KRTAP4-1: variants seen among roughly 807,000 people sequenced by gnomAD.
KRTAP4-1 encodes the protein keratin-associated protein 4-1.
For synonymous variants in KRTAP4-1, 52 were observed against 58.3 expected, an observed-to-expected ratio of 0.89 and a Z score of 0.50; for missense variants, 155 against 181.3, an observed-to-expected ratio of 0.85 and a Z score of 0.83.
In KRTAP4-1 at chr17:41,184,118, T is replaced by C; in HGVS notation, c.*296A>G. 2 of 366,458 alleles carry C rather than the reference T, an allele frequency of 5.5e-6. No homozygotes were observed. The highest frequency in any genetic ancestry group is 9.7e-6 in the Non-Finnish European group (2 of 205,998). 22.7% of individuals were successfully genotyped at this position (366,458 alleles called of 1,614,324 possible). A position where few individuals can be genotyped will look rare whatever the true frequency, so the allele number is the denominator to read the frequency against. On this transcript the variant is annotated 3_prime_UTR_variant, in exon 1 of 1. Coordinates refer to ENST00000398472, the MANE Select transcript of KRTAP4-1 (RefSeq NM_001386841.1). ...AAAAGAATTACTGATATTAAGATAA[T>C]ATTTATTGAAGAACAGTTAATATGT... is the stretch of plus-strand genomic sequence containing the variant.
rs1325489215 is a variant in KRTAP4-1, at chr17:41,184,389, C to T, written c.*25G>A. Reference sequence around the variant, plus strand: ...TCATATCATGGGATGGTGACTGGCTCATGGTTGATAGTCCAATATGAGGTT... The same window carrying T: ...TCATATCATGGGATGGTGACTGGCTTATGGTTGATAGTCCAATATGAGGTT... On this transcript the variant is annotated 3_prime_UTR_variant, in exon 1 of 1. Coordinates refer to ENST00000398472, the MANE Select transcript of KRTAP4-1 (RefSeq NM_001386841.1). The T allele has an allele frequency of 1.3e-6, 2 of 1,563,836 alleles. No individual in the cohort carries two copies. The highest frequency in any genetic ancestry group is 1.7e-6 in the Non-Finnish European group (2 of 1,150,682).
At position 41,184,759 on chromosome 17, in the gene KRTAP4-1, G is replaced by C. The variant is rs1007409; in HGVS notation, c.96C>G (p.Thr32=). 1.2e-3 allele frequency: 1,945 copies of C among 1,614,166 alleles called. 26 individuals carry two copies. In the African/African-American group the frequency reaches 0.023, roughly 19 times the overall value. ...ETCCRPSCCQ[T]TCCCPSCVVS... is the part of the protein sequence containing the mutation. ...CAACACAGCTGGGGCAGCAACAGGT[G>C]GTCTGGCAGCAGCTGGGGCGGCAGC... is the stretch of plus-strand genomic sequence containing the variant. The change falls in exon 1 of 1, where the codon ACC becomes ACG. Residue 32 remains threonine (T), a synonymous_variant. Transcript: ENST00000398472.
rs763198267 is a variant in KRTAP4-1, at chr17:41,184,663, G to A, written c.192C>T (p.Cys64=). 3.1e-6 allele frequency: 5 copies of A among 1,611,718 alleles called. No individual in the cohort carries two copies. Among genetic ancestry groups the A allele is most frequent in the South Asian group, 2.2e-5 (2 of 90,956 alleles). Residue 64 remains cysteine, a synonymous_variant, in exon 1 of 1, where the codon TGC becomes TGT. Transcript: ENST00000398472. ...CCQTTCCRPS[C]CHPVCCQTTC... ...TGGTCTGACAACAGACTGGGTGGCA[G>A]CAGCTGGGGCGACAGCAAGTGGTCT...
At position 41,184,101 on chromosome 17, in the gene KRTAP4-1, T is replaced by G. The variant is rs2015242266; in HGVS notation, c.*313A>C. 9.5e-6 allele frequency: 3 copies of G among 316,936 alleles called. No homozygotes were observed. Among genetic ancestry groups the G allele is most frequent in the Non-Finnish European group, 1.7e-5 (3 of 175,288 alleles). The allele number at this position is 316,936 out of a possible 1,614,324, so 19.6% of individuals were successfully genotyped here. A position where few individuals can be genotyped will look rare whatever the true frequency, so the allele number is the denominator to read the frequency against. On this transcript the variant is annotated 3_prime_UTR_variant, in exon 1 of 1. Transcript: ENST00000398472. Reference sequence around the variant, plus strand: ...AAAAATTGAAAAAAGAGAAAAGAATTACTGATATTAAGATAATATTTATTG... The same window carrying G: ...AAAAATTGAAAAAAGAGAAAAGAATGACTGATATTAAGATAATATTTATTG...
In KRTAP4-1 at chr17:41,184,318, G is replaced by T; in HGVS notation, c.*96C>A. On this transcript the variant is annotated 3_prime_UTR_variant, in exon 1 of 1. Transcript: ENST00000398472. ...CTTAGTGGAATAACAGGATAATAAA[G>T]CTGATGGCCATTTAACACATGGACA... is the stretch of plus-strand genomic sequence containing the variant. 6.6e-7 allele frequency: 1 copy of T among 1,512,888 alleles called. No homozygotes were observed. Among genetic ancestry groups the T allele is most frequent in the East Asian group, 2.3e-5 (1 of 43,860 alleles). 93.7% of individuals were successfully genotyped at this position (1,512,888 alleles called of 1,614,324 possible).
In KRTAP4-1 at chr17:41,184,746, G is replaced by A. The variant is rs1482304599; in HGVS notation, c.109C>T (p.Pro37Ser). ...PSCCQTTCCC[P>S]SCVVSSCCRP... Reference sequence around the variant, plus strand: ...CAGCAGCTGGATACAACACAGCTGGGGCAGCAACAGGTGGTCTGGCAGCAG... The same window carrying A: ...CAGCAGCTGGATACAACACAGCTGGAGCAGCAACAGGTGGTCTGGCAGCAG... Residue 37 changes from proline to serine, a missense_variant, in exon 1 of 1, where the codon CCC becomes TCC. Transcript: ENST00000398472. 4 of 1,613,448 alleles carry A rather than the reference G, an allele frequency of 2.5e-6. No homozygotes were observed. Among genetic ancestry groups the A allele is most frequent in the Non-Finnish European group, 3.4e-6 (4 of 1,179,860 alleles).
chr17:41,184,645 A>T, the KRTAP4-1 span: 4 of 1,599,382 alleles, frequency 2.5e-6, no homozygotes, highest in South Asian at 4.5e-5. Flanking sequence ...AGGTGGTCTG[A>T]CAACAGACTG....
In KRTAP4-1 at chr17:41,184,258, G is replaced by T; in HGVS notation, c.*156C>A. On this transcript the variant is annotated 3_prime_UTR_variant, in exon 1 of 1. Transcript: ENST00000398472. ...AAGAGATCCATGGGAAAAATGAGTG[G>T]TATTAAATGTAGATGGATGCCCTTT... 5 of 1,280,442 alleles carry T rather than the reference G, an allele frequency of 3.9e-6. No homozygotes were observed. The highest frequency in any genetic ancestry group is 2.5e-5 in the Admixed American group (1 of 40,164). 79.3% of individuals were successfully genotyped at this position (1,280,442 alleles called of 1,614,324 possible).
In KRTAP4-1 at chr17:41,184,161, C is replaced by G; in HGVS notation, c.*253G>C. ...TAATATGTAATTTTGAAGGTCAAAT[C>G]AAGCATAACAGTCAGAAACTTAGAG... is the stretch of plus-strand genomic sequence containing the variant. On this transcript the variant is annotated 3_prime_UTR_variant, in exon 1 of 1. Coordinates refer to ENST00000398472, the MANE Select transcript of KRTAP4-1 (RefSeq NM_001386841.1). 2.0e-6 allele frequency: 1 copy of G among 498,922 alleles called. No homozygotes were observed. The highest frequency in any genetic ancestry group is 3.4e-6 in the Non-Finnish European group (1 of 295,206). 30.9% of individuals were successfully genotyped at this position (498,922 alleles called of 1,614,324 possible).
In KRTAP4-1 at chr17:41,184,447, G is replaced by A. The variant is rs2015247342; in HGVS notation, c.408C>T (p.Cys136=). ...CCQTTCCRAT[C]CRPSCCGSSC ...AGGATCCACAGCAGCTGGGGCGGCA[G>A]CAAGTTGCACGGCAGCAGGTGGTCT... The change falls in exon 1 of 1, where the codon TGC becomes TGT. Residue 136 remains cysteine (C), a synonymous_variant. Transcript: ENST00000398472. The A allele has an allele frequency of 6.2e-7, 1 of 1,605,842 alleles. No individual in the cohort carries two copies. The highest frequency in any genetic ancestry group is 8.5e-7 in the Non-Finnish European group (1 of 1,174,158).
rs1568022951 is a variant in KRTAP4-1, at chr17:41,184,766, C to T, written c.89G>A (p.Cys30Tyr). The change falls in exon 1 of 1, where the codon TGC (cysteine) becomes TAC (tyrosine). Residue 30 changes from cysteine to tyrosine, a missense_variant. Transcript: ENST00000398472. ...GCTGGGGCAGCAACAGGTGGTCTGG[C>T]AGCAGCTGGGGCGGCAGCAGGTCTC... ...CQETCCRPSC[C>Y]QTTCCCPSCV... 6.8e-6 allele frequency: 11 copies of T among 1,613,756 alleles called. No individual in the cohort carries two copies. The Admixed American group carries it at 1.5e-4, about 22-fold the overall frequency.
chr17:41,184,773 T>C lies in KRTAP4-1; in HGVS notation c.82A>G (p.Ser28Gly), dbSNP rs2015256402. 4 of 1,613,732 alleles carry C rather than the reference T, an allele frequency of 2.5e-6. No individual in the cohort carries two copies. The East Asian group carries it at 6.7e-5, about 27-fold the overall frequency. ...CAGCAACAGGTGGTCTGGCAGCAGC[T>C]GGGGCGGCAGCAGGTCTCTTGGCAG... ...GLCQETCCRP[S>G]CCQTTCCCPS... is the part of the protein sequence containing the mutation. Residue 28 changes from serine to glycine, a missense_variant, in exon 1 of 1, where the codon AGC becomes GGC. Physicochemically the swap from Ser to Gly is moderately conservative, Grantham distance 56 (BLOSUM62 0). Transcript: ENST00000398472.
In KRTAP4-1 at chr17:41,184,443, G is replaced by C. The variant is rs369504699; in HGVS notation, c.412C>G (p.Arg138Gly). 2 of 1,604,678 alleles carry C rather than the reference G, an allele frequency of 1.2e-6. No individual in the cohort carries two copies. The highest frequency in any genetic ancestry group is 1.3e-5 in the African/African-American group (1 of 74,748). The change falls in exon 1 of 1, where the codon CGC (arginine) becomes GGC (glycine). Residue 138 changes from arginine to glycine, a missense_variant. Physicochemically the swap from Arg to Gly is moderately radical, Grantham distance 125. Coordinates refer to ENST00000398472, the MANE Select transcript of KRTAP4-1 (RefSeq NM_001386841.1). ...CAAGAGGATCCACAGCAGCTGGGGC[G>C]GCAGCAAGTTGCACGGCAGCAGGTG... The part of the protein sequence containing the change: ...QTTCCRATCC[R>G]PSCCGSSC
At position 41,184,337 on chromosome 17, in the gene KRTAP4-1, A is replaced by T. The variant is rs2144020624; in HGVS notation, c.*77T>A. On this transcript the variant is annotated 3_prime_UTR_variant, in exon 1 of 1. Coordinates refer to ENST00000398472, the MANE Select transcript of KRTAP4-1 (RefSeq NM_001386841.1). ...AATAAAGCTGATGGCCATTTAACAC[A>T]TGGACAAGTTGATATAAATGACACT... The T allele has an allele frequency of 4.6e-6, 7 of 1,524,902 alleles. No homozygotes were observed. The highest frequency in any genetic ancestry group is 6.2e-6 in the Non-Finnish European group (7 of 1,134,874). The allele number at this position is 1,524,902 out of a possible 1,614,324, so 94.5% of individuals were successfully genotyped here. A position where few individuals can be genotyped will look rare whatever the true frequency, so the allele number is the denominator to read the frequency against.
Position 41,184,881 on chromosome 17 carries a change from A to T in KRTAP4-1, c.-27T>A, listed in dbSNP as rs894116499. Reference sequence around the variant, plus strand: ...GTGTCAGAGGGTGGAGGTTCTAGGTAGGTTTCCAAGACAGTGAGTTTTTCG... The same window carrying T: ...GTGTCAGAGGGTGGAGGTTCTAGGTTGGTTTCCAAGACAGTGAGTTTTTCG... On this transcript the variant is annotated 5_prime_UTR_variant, in exon 1 of 1. Transcript: ENST00000398472. 6.2e-7 allele frequency: 1 copy of T among 1,612,756 alleles called. No individual in the cohort carries two copies. Among genetic ancestry groups the T allele is most frequent in the African/African-American group, 1.3e-5 (1 of 74,928 alleles).
rs2015258199 is a variant in KRTAP4-1 at position 41,184,812 on chromosome 17, A to T, written c.43T>A (p.Cys15Ser). The T allele has an allele frequency of 6.2e-7, 1 of 1,614,116 alleles. No individual in the cohort carries two copies. Among genetic ancestry groups the T allele is most frequent in the Admixed American group, 1.7e-5 (1 of 60,004 alleles). The change falls in exon 1 of 1, where the codon TGT becomes AGT. Residue 15 changes from cysteine (C) to serine (S), a missense_variant. Physicochemically the swap from Cys to Ser is moderately radical, Grantham distance 112. Transcript: ENST00000398472. ...GTCTCTTGGCAGAGGCCTTGATCACAGCCCTGGTCAGAGCAGACAGAGCCA... is the reference window on the plus strand; with the variant it reads ...GTCTCTTGGCAGAGGCCTTGATCACTGCCCTGGTCAGAGCAGACAGAGCCA... Reference protein sequence around the residue: ...CCGSVCSDQGCDQGLCQETCC... With the variant: ...CCGSVCSDQGSDQGLCQETCC...
rs1331609806 is a variant in KRTAP4-1, at chr17:41,184,266, T to C, written c.*148A>G. 13 of 1,358,656 alleles carry C rather than the reference T, an allele frequency of 9.6e-6. No homozygotes were observed. Among genetic ancestry groups the C allele is most frequent in the Admixed American group, 2.4e-5 (1 of 41,996 alleles). The allele number at this position is 1,358,656 out of a possible 1,614,324, so 84.2% of individuals were successfully genotyped here. A position where few individuals can be genotyped will look rare whatever the true frequency, so the allele number is the denominator to read the frequency against. Reference sequence around the variant, plus strand: ...CATGGGAAAAATGAGTGGTATTAAATGTAGATGGATGCCCTTTCACCAGTT... The same window carrying C: ...CATGGGAAAAATGAGTGGTATTAAACGTAGATGGATGCCCTTTCACCAGTT... On this transcript the variant is annotated 3_prime_UTR_variant, in exon 1 of 1. Transcript: ENST00000398472.
Position 41,184,210 on chromosome 17 carries a change from T to A in KRTAP4-1, c.*204A>T, listed in dbSNP as rs2015243807. The A allele has an allele frequency of 1.3e-6, 1 of 753,630 alleles. No individual in the cohort carries two copies. The highest frequency in any genetic ancestry group is 1.9e-6 in the Non-Finnish European group (1 of 528,382). 46.7% of individuals were successfully genotyped at this position (753,630 alleles called of 1,614,324 possible). A position where few individuals can be genotyped will look rare whatever the true frequency, so the allele number is the denominator to read the frequency against. On this transcript the variant is annotated 3_prime_UTR_variant, in exon 1 of 1. Coordinates refer to ENST00000398472, the MANE Select transcript of KRTAP4-1 (RefSeq NM_001386841.1). ...AGGCTTAGTCTAACTGCATCATGCA[T>A]CTGAGGTCTGAATGCTGCTGGGAAG...
At position 41,184,727 on chromosome 17, in the gene KRTAP4-1, C is replaced by A. The variant is rs2015254745; in HGVS notation, c.128G>T (p.Ser43Ile). The A allele has an allele frequency of 6.2e-7, 1 of 1,613,464 alleles. No homozygotes were observed. The highest frequency in any genetic ancestry group is 8.5e-7 in the Non-Finnish European group (1 of 1,179,888). Residue 43 changes from serine (S) to isoleucine (I), a missense_variant, in exon 1 of 1, where the codon AGC becomes ATC. By Grantham distance (142) the Ser-to-Ile change is moderately radical. Transcript: ENST00000398472. ...CTGAGAGCAGGATGGGCGGCAGCAGCTGGATACAACACAGCTGGGGCAGCA... is the reference window on the plus strand; with the variant it reads ...CTGAGAGCAGGATGGGCGGCAGCAGATGGATACAACACAGCTGGGGCAGCA... ...TCCCPSCVVS[S>I]CCRPSCSQTT...
Sources: allele counts gnomAD v4.1 joint callset, GRCh38; gene constraint gnomAD v4.1.1; transcripts MANE v1.5; gene names NCBI Gene and HGNC (gene_info 2026-07-23, HGNC 2026-07-21).